The following KCNK16 variants were observed in gnomAD, a reference collection of about 807,000 sequenced individuals.
The protein encoded by KCNK16 is potassium channel subfamily K member 16.
Under a neutral mutation model 23.0 loss-of-function variants are expected in KCNK16, and 23 were observed. That is an observed-to-expected ratio of 1.00 (90% CI 0.72 to 1.41). KCNK16 has a LOEUF of 1.41. Ranked by LOEUF, KCNK16 falls within the 40% of genes most tolerant of loss-of-function variation. The probability of loss-of-function intolerance (pLI) is 0.00; values close to 1 mark genes in which losing one functional copy is unlikely to be tolerated. For synonymous variants in KCNK16, 145 were observed against 153.5 expected (o/e 0.94, Z 0.41); for missense variants, 327 against 365.8 (o/e 0.89, Z 0.87).
intron 3 of KCNK16, among the ~76,000 whole-genome samples, 177 bp from the exon 4 acceptor site, chr6:39,317,124 A>G (rs960404427): frequency 6.6e-6 from 1 of 152,242 alleles, no homozygotes; most frequent in African/African-American, 2.4e-5. Context: ...TGTCCCACCC[A>G]GGGAAAGATT....
chr6:39,319,214 T>C lies in KCNK16; in HGVS notation c.214-81A>G. 1.3e-6 allele frequency: 1 copy of C among 796,420 alleles called. No homozygotes were observed. 49.3% of individuals were successfully genotyped at this position (796,420 alleles called of 1,614,324 possible). ...AGTTGTTGCCATGCTTTTGGCAGCA[T>C]GCTTTTGTGTCATCTCATCTAATGA... On this transcript the variant is annotated intron_variant, in intron 1 of 4. Coordinates refer to ENST00000437525, the MANE Select transcript of KCNK16 (RefSeq NM_001135106.2). The surrounding 1 kb of genome is among the most constrained non-coding windows in gnomAD (Gnocchi z 4.2).
chr6:39,315,164 T>G, downstream of KCNK16: 1 of 1,614,212 alleles, frequency 6.2e-7, no homozygotes, highest in Non-Finnish European at 8.5e-7. Context: ...AGGAGCCCAC[T>G]TGCTGTTGGA....
chr6:39,316,413 C>A lies in KCNK16; in HGVS notation c.691G>T (p.Val231Leu). The stretch of plus-strand genomic sequence containing the variant: ...CAGATGGCTGCCAGGCTCCGATACA[C>A]TGAGATATAATGCTTGCTGGGGTCT... ...GTDPSKHYISVYRSLAAIWIL... is the reference protein window; with the variant it reads ...GTDPSKHYISLYRSLAAIWIL... Residue 231 changes from valine (V) to leucine (L), a missense_variant, in exon 5 of 5, where the codon GTG becomes TTG. Transcript: ENST00000437525. 1.9e-6 allele frequency: 3 copies of A among 1,611,704 alleles called. No individual in the cohort carries two copies. The highest frequency in any genetic ancestry group is 2.5e-6 in the Non-Finnish European group (3 of 1,178,738).
chr6:39,320,805 C>G (rs907473455), intron 1 of KCNK16, among the ~76,000 whole-genome samples: 1 of 151,756 alleles, frequency 6.6e-6, no homozygotes, highest in African/African-American at 2.4e-5. Flanking sequence ...ACCCTTCCCA[C>G]GCCCTCCAGC....
At chr6:39,318,006 T>G in intron 2 of KCNK16, 54 bp from the exon 3 acceptor site, 1 of 1,506,150 alleles carries the variant, frequency 6.6e-7, no homozygotes, top group Non-Finnish European at 8.9e-7. Context: ...CGCCCTCTGC[T>G]CCTCTTCCCC....
chr6:39,320,629 G>T (rs1191570521), intron 1 of KCNK16, among the ~76,000 whole-genome samples: 1 of 152,180 alleles, frequency 6.6e-6, no homozygotes, highest in Non-Finnish European at 1.5e-5. Flanking sequence ...ACTGCCCCTG[G>T]CAAGGAAGGG....
chr6:39,318,928 C>G, intron 2 of KCNK16, 91 bp downstream of exon 2: 2 of 882,484 alleles, frequency 2.3e-6, no homozygotes, highest in South Asian at 2.8e-5. Flanking sequence ...ATCTCCTAGA[C>G]AAACCACATC....
At chr6:39,321,867 C>T (rs746983360) in intron 1 of KCNK16, among the ~76,000 whole-genome samples, 37 of 152,318 alleles carry the variant, frequency 2.4e-4, no homozygotes, top group Admixed American at 1.0e-3. Context: ...GTCTCCCACC[C>T]GCAGCCGTCT....
intron 4 of KCNK16, 133 bp downstream of exon 4, chr6:39,316,649 A>G (rs1562088398): frequency 1.0e-5 from 13 of 1,243,654 alleles, no homozygotes; most frequent in Non-Finnish European, 1.5e-5. Context: ...AGTCCCAGAA[A>G]TCATTGGTTT....
downstream of KCNK16, chr6:39,316,162 G>A: frequency 6.9e-7 from 1 of 1,452,762 alleles, no homozygotes; most frequent in Non-Finnish European, 9.1e-7. Context: ...AATCCAGAGA[G>A]CAGATAGGGT....
chr6:39,315,425 G>T, downstream of KCNK16: 1 of 1,550,268 alleles, frequency 6.5e-7, no homozygotes, highest in South Asian at 1.2e-5. Flanking sequence ...GAAGTTAAGG[G>T]GGTGGCCTGT....
rs1037494078 is a variant in KCNK16, at chr6:39,322,702, C to T, written c.-162G>A. The T allele has an allele frequency of 5.1e-5, 60 of 1,170,134 alleles. No individual in the cohort carries two copies. Among genetic ancestry groups the T allele is most frequent in the South Asian group, 9.9e-5 (6 of 60,598 alleles). The allele number at this position is 1,170,134 out of a possible 1,614,324, so 72.5% of individuals were successfully genotyped here. On this transcript the variant is annotated 5_prime_UTR_variant, in exon 1 of 5. Transcript: ENST00000437525. Reference sequence around the variant, plus strand: ...GGCTGGGGAGACTGTTTGAACAGTGCGGCTCAGCTTGGCTGCACTAAGTGC... The same window carrying T: ...GGCTGGGGAGACTGTTTGAACAGTGTGGCTCAGCTTGGCTGCACTAAGTGC...
intron 1 of KCNK16, among the ~76,000 whole-genome samples, chr6:39,321,403 G>A (rs1038093006): frequency 6.6e-6 from 1 of 152,204 alleles, no homozygotes; most frequent in African/African-American, 2.4e-5. Flanking sequence ...CATCTACAAA[G>A]TGGAGATAGG....
At chr6:39,318,015 C>G in intron 2 of KCNK16, 63 bp from the exon 3 acceptor site, 1 of 1,475,318 alleles carries the variant, frequency 6.8e-7, no homozygotes, top group Non-Finnish European at 9.1e-7. Context: ...CTCCTCTTCC[C>G]CAGACTCTAG....
Position 39,316,842 on chromosome 6 carries a change from C to T in KCNK16, c.601G>A (p.Glu201Lys), listed in dbSNP as rs766449048. The change falls in exon 4 of 5, where the codon GAG (glutamate) becomes AAG (lysine). Residue 201 changes from glutamate to lysine, a missense_variant. Coordinates refer to ENST00000437525, the MANE Select transcript of KCNK16 (RefSeq NM_001135106.2). ...FSHVEGWSFS[E>K]GFYFAFITLS... ...GTGATGAAAGCAAAGTAGAAGCCCTCGCTGAAGCTCCAGCCCTCCACATGG... is the reference window on the plus strand; with the variant it reads ...GTGATGAAAGCAAAGTAGAAGCCCTTGCTGAAGCTCCAGCCCTCCACATGG... 1.1e-5 allele frequency: 18 copies of T among 1,614,020 alleles called. No homozygotes were observed. The highest frequency in any genetic ancestry group is 1.6e-4 in the Middle Eastern group (1 of 6,078).
chr6:39,320,695 G>A (rs1402743103), intron 1 of KCNK16, among the ~76,000 whole-genome samples: 1 of 152,150 alleles, frequency 6.6e-6, no homozygotes, highest in Non-Finnish European at 1.5e-5. Flanking sequence ...TCCCTGGGGA[G>A]GCCCCAGGGG....
rs1366567581 is a variant in KCNK16, at chr6:39,317,833, G to C, written c.448C>G (p.His150Asp). Residue 150 changes from histidine to aspartate, a missense_variant, in exon 3 of 5, where the codon CAT becomes GAT. His to Asp is a moderately conservative substitution (Grantham distance 81). Transcript: ENST00000437525. Reference protein sequence around the residue: ...LNHLGTGLRAHLAAIERWEDR... With the variant: ...LNHLGTGLRADLAAIERWEDR... ...TCCCATCTTTCAATGGCGGCCAGAT[G>C]GGCACGCAGCCCTGTGCCCAGGTGG... 6.2e-7 allele frequency: 1 copy of C among 1,612,048 alleles called. No homozygotes were observed. The highest frequency in any genetic ancestry group is 2.2e-5 in the East Asian group (1 of 44,812).
At position 39,317,889 on chromosome 6, in the gene KCNK16, A is replaced by G; in HGVS notation, c.392T>C (p.Leu131Ser). Residue 131 changes from leucine to serine, a missense_variant, in exon 3 of 5, where the codon TTG becomes TCG. Coordinates refer to ENST00000437525, the MANE Select transcript of KCNK16 (RefSeq NM_001135106.2). ...GQVFCVFYAL[L>S]GIPLNVIFLN... ...GAAGATCACGTTAAGCGGGATGCCC[A>G]ACAGGGCATAGAAGACACAGAAGAC... 1 of 1,613,910 alleles carries G rather than the reference A, an allele frequency of 6.2e-7. No individual in the cohort carries two copies. The highest frequency in any genetic ancestry group is 8.5e-7 in the Non-Finnish European group (1 of 1,179,904).
chr6:39,318,899 T>G, intron 2 of KCNK16, 120 bp downstream of exon 2: 1 of 691,018 alleles, frequency 1.4e-6, no homozygotes, highest in Non-Finnish European at 2.6e-6. Flanking sequence ...ACCCACTCCC[T>G]CCCTGGGCTT....
Sources: gnomAD v4.1 joint callset for allele counts (sites outside exome capture counted in the v4.1 genomes callset) on GRCh38, gnomAD v4.1.1 for gene constraint, Gnocchi (gnomAD v3.1) non-coding constraint, MANE v1.5 for transcripts, NCBI Gene and HGNC (gene_info 2026-07-23, HGNC 2026-07-21) for gene names.